The following ADAM2 variants were observed in gnomAD, a reference collection of about 807,000 sequenced individuals.
ADAM2 encodes the protein disintegrin and metalloproteinase domain-containing protein 2.
Under a neutral mutation model 99.3 loss-of-function variants are expected in ADAM2, and 101 were observed. The ratio of observed to expected loss-of-function variants is 1.02; its 90% CI spans 0.87 to 1.20. The LOEUF (loss-of-function observed/expected upper bound fraction) is 1.20. Ranked by LOEUF, ADAM2 falls within the 50% of genes most tolerant of loss-of-function variation. The probability of loss-of-function intolerance (pLI) is 0.00; values close to 1 mark genes in which losing one functional copy is unlikely to be tolerated. For synonymous variants in ADAM2, 323 were observed against 287.6 expected (o/e 1.12, Z -1.25); for missense variants, 948 against 878.7 (o/e 1.08, Z -1.00).
At chr8:39,803,798 G>T (rs1288798359) in intron 7 of ADAM2, among the ~76,000 whole-genome samples, 1 of 152,240 alleles carries the variant, frequency 6.6e-6, no homozygotes, top group African/African-American at 2.4e-5. Context: ...AGCGTTATAA[G>T]TGAAAGTAAA....
chr8:39,744,910 A>C lies in ADAM2; in HGVS notation c.2175-17T>G. On this transcript the variant is annotated splice_polypyrimidine_tract_variant and intron_variant, in intron 19 of 20. Transcript: ENST00000265708. ...TCAGGTTGCCTGCATATTAAAAATA[A>C]AAATAATATTATACTTTCTTCAAGA... 6.3e-7 allele frequency: 1 copy of C among 1,578,598 alleles called. No homozygotes were observed. The highest frequency in any genetic ancestry group is 2.2e-5 in the East Asian group (1 of 44,510).
chr8:39,829,863 T>TA (rs1354876231), intron 3 of ADAM2, among the ~76,000 whole-genome samples: 1 of 151,986 alleles, frequency 6.6e-6, no homozygotes, highest in Non-Finnish European at 1.5e-5. Context: ...TTTGAGTGAC[T>TA]AAAACTAGAA....
At chr8:39,805,016 G>A (rs1159566663) in intron 7 of ADAM2, among the ~76,000 whole-genome samples, 4 of 152,184 alleles carry the variant, frequency 2.6e-5, no homozygotes, top group African/African-American at 9.6e-5. Context: ...CAATTCTGGA[G>A]GTTGGAACAT....
chr8:39,805,683 A>G (rs1005000376), intron 7 of ADAM2, among the ~76,000 whole-genome samples: 2 of 152,218 alleles, frequency 1.3e-5, no homozygotes, highest in African/African-American at 4.8e-5. Context: ...ATAACAGCTC[A>G]AGCCAGGAAT....
rs565512041 is a variant in ADAM2 at position 39,783,838 on chromosome 8, G to C, written c.891+3136C>G. Reference sequence around the variant, plus strand: ...ATGGTGCCGGGCACCTGTAGTCCCAGCTACTCAGGAGGCTGAGGCAGGAGA... The same window carrying C: ...ATGGTGCCGGGCACCTGTAGTCCCACCTACTCAGGAGGCTGAGGCAGGAGA... On this transcript the variant is annotated intron_variant, in intron 10 of 20. Coordinates refer to ENST00000265708, the MANE Select transcript of ADAM2 (RefSeq NM_001464.5). 5.3e-5 allele frequency among the ~76,000 whole-genome samples: 8 copies of C among 152,112 alleles called. No individual in the cohort carries two copies. In the South Asian group the frequency reaches 1.7e-3, roughly 32 times the overall value.
chr8:39,747,644 G>T (rs992054985), intron 18 of ADAM2, among the ~76,000 whole-genome samples: 1 of 152,058 alleles, frequency 6.6e-6, no homozygotes, highest in African/African-American at 2.4e-5. Context: ...AGAAACTTGT[G>T]GAGAATGAAA....
At chr8:39,796,948 G>A (rs1159515189) in intron 7 of ADAM2, among the ~76,000 whole-genome samples, 2 of 151,778 alleles carry the variant, frequency 1.3e-5, no homozygotes, top group Non-Finnish European at 2.9e-5. Context: ...TTAGACTTTT[G>A]TCAGATGGGT....
chr8:39,833,608 T>G (rs570991402), intron 3 of ADAM2, among the ~76,000 whole-genome samples: 1 of 152,254 alleles, frequency 6.6e-6, no homozygotes, highest in South Asian at 2.1e-4. Context: ...ATCTGCTATG[T>G]TCTTTGAAAT....
intron 7 of ADAM2, among the ~76,000 whole-genome samples, chr8:39,808,405 A>G (rs1362674959): frequency 6.6e-6 from 1 of 152,172 alleles, no homozygotes; most frequent in Admixed American, 6.6e-5. Context: ...ACTACCAAAT[A>G]TTGCTGAGAG....
At chr8:39,757,410 G>A (rs1802190778) in intron 15 of ADAM2, among the ~76,000 whole-genome samples, 2 of 152,156 alleles carry the variant, frequency 1.3e-5, no homozygotes, top group South Asian at 4.1e-4. Context: ...ATGTGGCTTT[G>A]TTTAATAATT....
At chr8:39,804,837 C>T (rs776653075) in intron 7 of ADAM2, among the ~76,000 whole-genome samples, 5 of 152,076 alleles carry the variant, frequency 3.3e-5, no homozygotes, top group Admixed American at 6.6e-5. Flanking sequence ...CATAGCTTTA[C>T]ATGTCTTGCT....
chr8:39,749,232 A>G, intron 18 of ADAM2, 80 bp downstream of exon 18: 1 of 1,295,896 alleles, frequency 7.7e-7, no homozygotes, highest in Middle Eastern at 2.6e-4. Flanking sequence ...ATAAATTGGT[A>G]GACAAAATAT....
At chr8:39,755,643 T>C in intron 16 of ADAM2, 85 bp downstream of exon 16, 1 of 1,030,894 alleles carries the variant, frequency 9.7e-7, no homozygotes, top group South Asian at 1.4e-5. Flanking sequence ...CACTGCACTC[T>C]AGCCAGGGCA....
At chr8:39,788,383 A>C in intron 8 of ADAM2, 132 bp from the exon 9 acceptor site, 1 of 581,088 alleles carries the variant, frequency 1.7e-6, no homozygotes, top group Non-Finnish European at 2.8e-6. Flanking sequence ...CTTTTAAAGT[A>C]GATTAGTAAG....
intron 12 of ADAM2, among the ~76,000 whole-genome samples, chr8:39,767,896 TCA>T (rs57655234): frequency 0.084 from 12,367 of 147,636 alleles, 1,384 homozygotes; most frequent in African/African-American, 0.26. Context: ...GACAATGCAT[TCA>T]CACACACACA....
At chr8:39,809,014 C>A (rs1804578794) in intron 7 of ADAM2, among the ~76,000 whole-genome samples, 1 of 152,102 alleles carries the variant, frequency 6.6e-6, no homozygotes, top group Non-Finnish European at 1.5e-5. Context: ...TAATCACCAC[C>A]TTTCATCCCC....
chr8:39,758,350 T>C (rs902472734), intron 15 of ADAM2, among the ~76,000 whole-genome samples: 11 of 152,212 alleles, frequency 7.2e-5, no homozygotes, highest in African/African-American at 2.6e-4. Context: ...TTATAATGTG[T>C]GTATTTGTAT....
chr8:39,756,026 G>T, intron 15 of ADAM2, 115 bp from the exon 16 acceptor site: 1 of 551,822 alleles, frequency 1.8e-6, no homozygotes. Flanking sequence ...GCTAATACAT[G>T]CAATTCGTTT....
At chr8:39,820,371 T>A (rs958361795) in intron 6 of ADAM2, among the ~76,000 whole-genome samples, 1 of 152,106 alleles carries the variant, frequency 6.6e-6, no homozygotes, top group East Asian at 1.9e-4. Context: ...TGAATTACAG[T>A]GCAAACTGAA....
Sources: gnomAD v4.1 joint callset for allele counts (sites outside exome capture counted in the v4.1 genomes callset) on GRCh38, gnomAD v4.1.1 for gene constraint, MANE v1.5 for transcripts, NCBI Gene and HGNC (gene_info 2026-07-23, HGNC 2026-07-21) for gene names.